Variants in AHCTF1 observed in about 807,000 individuals in gnomAD.
AHCTF1 encodes protein ELYS.
A neutral mutation model predicts 248.4 loss-of-function variants in AHCTF1; 24 were observed. The ratio of observed to expected loss-of-function variants is 0.10; its 90% CI spans 0.07 to 0.14. The LOEUF (loss-of-function observed/expected upper bound fraction) is 0.14, where lower values mean the gene tolerates loss of function less well. Ranked by LOEUF, AHCTF1 falls within the 10% of genes least tolerant of loss-of-function variation. The probability of loss-of-function intolerance (pLI) is 1.00; values close to 1 mark genes in which losing one functional copy is unlikely to be tolerated. For synonymous variants in AHCTF1, 786 were observed against 929.8 expected, an observed-to-expected ratio of 0.85 and a Z score of 2.81; for missense variants, 2,206 against 2,636.2, an observed-to-expected ratio of 0.84 and a Z score of 3.57.
At position 246,900,324 on chromosome 1, in the gene AHCTF1, A is replaced by T. The variant is rs558903673; in HGVS notation, c.1250+13T>A. On this transcript the variant is annotated intron_variant, in intron 9 of 35. Transcript: ENST00000648844. Reference sequence around the variant, plus strand: ...TACAAAGAGAAAGGAGAGAGAAAAAAAAAGAATCATACCTTAACGAATCTG... The same window carrying T: ...TACAAAGAGAAAGGAGAGAGAAAAATAAAGAATCATACCTTAACGAATCTG... The T allele has an allele frequency of 1.9e-6, 3 of 1,583,390 alleles. No homozygotes were observed. The South Asian group carries it at 3.5e-5, about 19-fold the overall frequency.
At chr1:246,911,808 C>T (rs1665825570) in intron 4 of AHCTF1, among the ~76,000 whole-genome samples, 1 of 152,076 alleles carries the variant, frequency 6.6e-6, no homozygotes, top group Non-Finnish European at 1.5e-5. Context: ...TTTTAAAGTG[C>T]ATGTATGACC....
chr1:246,854,765 A>G (rs1660988502), intron 31 of AHCTF1, among the ~76,000 whole-genome samples: 1 of 152,190 alleles, frequency 6.6e-6, no homozygotes, highest in Non-Finnish European at 1.5e-5. Context: ...AAAAATAGAG[A>G]CACAGCCCTT....
At chr1:246,868,912 T>A (rs997265825) in intron 24 of AHCTF1, among the ~76,000 whole-genome samples, 3 of 149,786 alleles carry the variant, frequency 2.0e-5, no homozygotes, top group African/African-American at 7.4e-5. Flanking sequence ...TGGTGTGATC[T>A]CGGCTCACTG....
At chr1:246,930,137 C>A (rs953558789) in intron 1 of AHCTF1, among the ~76,000 whole-genome samples, 3 of 151,790 alleles carry the variant, frequency 2.0e-5, no homozygotes, top group African/African-American at 7.3e-5. Flanking sequence ...GTATAACGAT[C>A]TTTTTTATTT....
chr1:246,895,495 A>C (rs1452310767), intron 13 of AHCTF1, among the ~76,000 whole-genome samples: 3 of 152,228 alleles, frequency 2.0e-5, no homozygotes, highest in Non-Finnish European at 4.4e-5. Context: ...TGAGTAAAAA[A>C]GGTAATCCAA....
At chr1:246,904,306 T>G (rs936300985) in intron 6 of AHCTF1, among the ~76,000 whole-genome samples, 3 of 152,238 alleles carry the variant, frequency 2.0e-5, no homozygotes, top group Non-Finnish European at 4.4e-5. Context: ...ATATTCTTTC[T>G]CAAATATTCC....
intron 1 of AHCTF1, among the ~76,000 whole-genome samples, chr1:246,920,268 T>G (rs557318167): frequency 1.0e-4 from 15 of 150,104 alleles, no homozygotes; most frequent in African/African-American, 3.7e-4. Flanking sequence ...TTACCAGAGA[T>G]TAGAAAGTAA....
In AHCTF1 at chr1:246,855,815, G is replaced by A. The variant is rs1661074997; in HGVS notation, c.4269C>T (p.Thr1423=). The change falls in exon 31 of 36, where the codon ACC becomes ACT. Residue 1423 remains threonine (T), a synonymous_variant. Coordinates refer to ENST00000648844, the MANE Select transcript of AHCTF1 (RefSeq NM_001323342.2). ...CCAACACTGGTACCTTGGACTTCTG[G>A]GTGAAGATTTTCCTTTAGAAAAAGA... is the stretch of plus-strand genomic sequence containing the variant. ...APSVYEGKIF[T]QKSKVPVLDE... is the part of the protein sequence containing the mutation. 1.2e-6 allele frequency: 2 copies of A among 1,612,378 alleles called. No homozygotes were observed. The highest frequency in any genetic ancestry group is 2.7e-5 in the African/African-American group (2 of 74,922).
At chr1:246,867,896 C>CCG in intron 24 of AHCTF1, 85 bp from the exon 25 acceptor site, 1 of 563,350 alleles carries the variant, frequency 1.8e-6, no homozygotes, top group African/African-American at 4.8e-5. Context: ...ATTACACCCC[C>CCG]CCCCCCACAC....
intron 1 of AHCTF1, chr1:246,931,118 G>C (rs999463070): frequency 6.5e-6 from 10 of 1,549,012 alleles, no homozygotes; most frequent in Admixed American, 2.0e-5. Context: ...TTCCCCGCCA[G>C]GACTACTCAC....
chr1:246,869,088 C>G (rs550750308), intron 24 of AHCTF1, among the ~76,000 whole-genome samples: 2 of 151,188 alleles, frequency 1.3e-5, no homozygotes, highest in Non-Finnish European at 2.9e-5. Flanking sequence ...TCGTGATCCG[C>G]CCGCCTTGGC....
At chr1:246,907,168 C>T (rs1002505847) in intron 5 of AHCTF1, among the ~76,000 whole-genome samples, 1 of 152,156 alleles carries the variant, frequency 6.6e-6, no homozygotes, top group African/African-American at 2.4e-5. Context: ...GCAACTATAA[C>T]ACAATGGTAT....
In AHCTF1 at chr1:246,841,297, C is replaced by A. The variant is rs75564165; in HGVS notation, c.6609-299G>T. Among the ~76,000 whole-genome samples the A allele has an allele frequency of 5.8e-3, 879 of 152,276 alleles. 7 individuals carry two copies. The highest frequency in any genetic ancestry group is 0.021 in the African/African-American group (860 of 41,556). On this transcript the variant is annotated intron_variant, in intron 35 of 35. Coordinates refer to ENST00000648844, the MANE Select transcript of AHCTF1 (RefSeq NM_001323342.2). ...TGTATGAAAAAATACTGCTGGATTA[C>A]AAGGACGGGCCGAGTACCAGTTGTC... is the stretch of plus-strand genomic sequence containing the variant.
At position 246,841,011 on chromosome 1, in the gene AHCTF1, G is replaced by A; in HGVS notation, c.6609-13C>T. 6.3e-7 allele frequency: 1 copy of A among 1,583,568 alleles called. No individual in the cohort carries two copies. The highest frequency in any genetic ancestry group is 8.6e-7 in the Non-Finnish European group (1 of 1,168,726). ...TTTTTCTGTGTTTCTGAAAAAAAAAGATATGATCAAGTAAGAATAAACACA... is the reference window on the plus strand; with the variant it reads ...TTTTTCTGTGTTTCTGAAAAAAAAAAATATGATCAAGTAAGAATAAACACA... On this transcript the variant is annotated splice_polypyrimidine_tract_variant and intron_variant, in intron 35 of 35. Transcript: ENST00000648844.
rs1218965751 is a variant in AHCTF1 at position 246,895,941 on chromosome 1, C to T, written c.1624-16G>A. The T allele has an allele frequency of 1.3e-6, 2 of 1,594,388 alleles. No individual in the cohort carries two copies. The highest frequency in any genetic ancestry group is 1.3e-5 in the African/African-American group (1 of 74,216). Reference sequence around the variant, plus strand: ...ACTGTTCTTCCTAAACCATGCATTACAGAAAGGAAAGAAATGGAAAGAAAG... The same window carrying T: ...ACTGTTCTTCCTAAACCATGCATTATAGAAAGGAAAGAAATGGAAAGAAAG... On this transcript the variant is annotated splice_polypyrimidine_tract_variant and intron_variant, in intron 12 of 35. Coordinates refer to ENST00000648844, the MANE Select transcript of AHCTF1 (RefSeq NM_001323342.2).
chr1:246,877,608 G>T (rs1663069784), intron 21 of AHCTF1, among the ~76,000 whole-genome samples: 1 of 152,150 alleles, frequency 6.6e-6, no homozygotes, highest in South Asian at 2.1e-4. Flanking sequence ...TGGTTGGTGT[G>T]GTGTGACAGA....
At chr1:246,859,414 G>A (rs896034182) in intron 29 of AHCTF1, among the ~76,000 whole-genome samples, 3 of 152,134 alleles carry the variant, frequency 2.0e-5, no homozygotes, top group African/African-American at 7.2e-5. Context: ...GATTCTAAGT[G>A]TTTGTCAGTA....
At chr1:246,870,849 G>A (rs570421488) in intron 24 of AHCTF1, among the ~76,000 whole-genome samples, 13 of 152,014 alleles carry the variant, frequency 8.6e-5, no homozygotes, top group East Asian at 5.8e-4. Flanking sequence ...GAAAATGGCC[G>A]GATTCTGTCA....
At chr1:246,845,017 G>C (rs1389622669) in intron 33 of AHCTF1, among the ~76,000 whole-genome samples, 1 of 152,054 alleles carries the variant, frequency 6.6e-6, no homozygotes, top group Non-Finnish European at 1.5e-5. Flanking sequence ...GTTGTTCTGA[G>C]GATGAAAGAA....
Sources: gnomAD v4.1 joint callset for allele counts (sites outside exome capture counted in the v4.1 genomes callset) on GRCh38, gnomAD v4.1.1 for gene constraint, MANE v1.5 for transcripts, NCBI Gene and HGNC (gene_info 2026-07-23, HGNC 2026-07-21) for gene names.